Variants in SPNS3 observed in about 807,000 individuals in gnomAD.
The protein encoded by SPNS3 is protein spinster homolog 3.
In SPNS3, 51 loss-of-function variants were observed where a neutral mutation model predicts 54.4. That is an observed-to-expected ratio of 0.94 (90% CI 0.75 to 1.18). SPNS3 has a LOEUF of 1.18. Ranked by LOEUF, SPNS3 falls within the 50% of genes most tolerant of loss-of-function variation. The probability of loss-of-function intolerance (pLI) is 0.00; values close to 1 mark genes in which losing one functional copy is unlikely to be tolerated. For missense variants in SPNS3, 669 were observed against 677.4 expected (o/e 0.99, Z 0.14); for synonymous variants, 309 against 294.7 (o/e 1.05, Z -0.50).
intron 8 of SPNS3, among the ~76,000 whole-genome samples, chr17:4,465,557 G>A (rs573654905): frequency 4.5e-4 from 69 of 152,138 alleles, no homozygotes; most frequent in African/African-American, 1.6e-3. Context: ...GCAAAACCCC[G>A]AGGCTACAAA....
chr17:4,445,907 G>A, intron 3 of SPNS3, 141 bp from the exon 4 acceptor site: 1 of 924,912 alleles, frequency 1.1e-6, no homozygotes, highest in South Asian at 2.1e-5. Context: ...GGAGTGGAGA[G>A]GTGTCTGTAG....
At chr17:4,455,009 G>A (rs187789251) in intron 8 of SPNS3, among the ~76,000 whole-genome samples, 11 of 151,864 alleles carry the variant, frequency 7.2e-5, no homozygotes, top group South Asian at 4.2e-4. Flanking sequence ...CGCCTCCTGG[G>A]TTCAAGCGAT....
chr17:4,437,053 G>C (rs569233218), intron 1 of SPNS3, among the ~76,000 whole-genome samples: 9 of 152,378 alleles, frequency 5.9e-5, no homozygotes, highest in African/African-American at 2.2e-4. Flanking sequence ...GTGCAAGAAA[G>C]GGGGCTGTGG....
Position 4,438,921 on chromosome 17 carries a change from T to C in SPNS3, c.200-737T>C, listed in dbSNP as rs564492682. 4.0e-5 allele frequency among the ~76,000 whole-genome samples: 6 copies of C among 149,714 alleles called. 1 individual carries two copies. The East Asian group carries it at 1.2e-3, about 29-fold the overall frequency. On this transcript the variant is annotated intron_variant, in intron 1 of 11. Transcript: ENST00000355530. ...GTGTATGAGTGAGGCTGGGTGTACA[T>C]GTCTGTGAGAGTGAGTTCCTGTGTG...
intron 8 of SPNS3, among the ~76,000 whole-genome samples, chr17:4,463,729 C>T (rs1420445500): frequency 2.0e-5 from 3 of 148,308 alleles, no homozygotes; most frequent in Admixed American, 6.7e-5. Flanking sequence ...CAGAGTGAGA[C>T]TCCATCTCGA....
At chr17:4,444,990 G>T (rs200749624) in intron 2 of SPNS3, 42 bp from the exon 3 acceptor site, 20 of 1,581,244 alleles carry the variant, frequency 1.3e-5, no homozygotes, top group Middle Eastern at 3.4e-4. Context: ...GCCCTGCCAC[G>T]GTCGTGGGGG....
At chr17:4,479,787 A>G (rs1347912176) in intron 9 of SPNS3, among the ~76,000 whole-genome samples, 1 of 152,194 alleles carries the variant, frequency 6.6e-6, no homozygotes, top group Admixed American at 6.5e-5. Flanking sequence ...GTGTGGCCTT[A>G]GGCAAGTCAC....
Position 4,488,038 on chromosome 17 carries a change from A to T in SPNS3, c.*144A>T. On this transcript the variant is annotated 3_prime_UTR_variant, in exon 12 of 12. Coordinates refer to ENST00000355530, the MANE Select transcript of SPNS3 (RefSeq NM_182538.5). ...AATTCCCGGCTGGAGAGCTGGCAGG[A>T]CCCTGTGGCTGGGCTGGGAATGGAG... 1 of 709,114 alleles carries T rather than the reference A, an allele frequency of 1.4e-6. No homozygotes were observed. Among genetic ancestry groups the T allele is most frequent in the Non-Finnish European group, 2.4e-6 (1 of 417,192 alleles). The allele number at this position is 709,114 out of a possible 1,614,324, so 43.9% of individuals were successfully genotyped here. A position where few individuals can be genotyped will look rare whatever the true frequency, so the allele number is the denominator to read the frequency against.
At chr17:4,481,884 CTCTT>C (rs1972160189) in intron 9 of SPNS3, 4 of 46,072 alleles carry the variant, frequency 8.7e-5, no homozygotes, top group African/African-American at 5.7e-4. Flanking sequence ...CTCTCTCTCT[CTCTT>C]TTTTTTTTTT....
intron 8 of SPNS3, among the ~76,000 whole-genome samples, 197 bp downstream of exon 8, chr17:4,453,402 A>C (rs1971221836): frequency 6.6e-6 from 1 of 152,146 alleles, no homozygotes; most frequent in Admixed American, 6.6e-5. Context: ...TAATCCTAGC[A>C]CTTTGGGAGG....
chr17:4,480,594 A>C (rs1972124915), intron 9 of SPNS3, among the ~76,000 whole-genome samples: 1 of 149,596 alleles, frequency 6.7e-6, no homozygotes, highest in South Asian at 2.2e-4. Flanking sequence ...CAGCGTCTGC[A>C]TTTGTAAGAA....
chr17:4,447,765 G>C (rs1464767422), intron 5 of SPNS3, among the ~76,000 whole-genome samples: 1 of 152,162 alleles, frequency 6.6e-6, no homozygotes, highest in East Asian at 1.9e-4. Flanking sequence ...GGGCAGGACT[G>C]TGTGGCAGAT....
chr17:4,468,185 C>A (rs1038624122), intron 8 of SPNS3, among the ~76,000 whole-genome samples: 2 of 152,132 alleles, frequency 1.3e-5, no homozygotes, highest in Admixed American at 6.5e-5. Flanking sequence ...GCACACCTGT[C>A]ATCCTAGCAC....
At chr17:4,467,290 A>G (rs1971703354) in intron 8 of SPNS3, among the ~76,000 whole-genome samples, 1 of 151,932 alleles carries the variant, frequency 6.6e-6, no homozygotes, top group South Asian at 2.1e-4. Context: ...TAGGGGTTGT[A>G]TCCGGAATCT....
At position 4,446,179 on chromosome 17, in the gene SPNS3, C is replaced by A; in HGVS notation, c.534C>A (p.Tyr178Ter). 3 of 1,611,642 alleles carry A rather than the reference C, an allele frequency of 1.9e-6. No homozygotes were observed. Among genetic ancestry groups the A allele is most frequent in the Non-Finnish European group, 2.5e-6 (3 of 1,178,202 alleles). Reference sequence around the variant, plus strand: ...GCACCCGCGTGCTGGCTGTCTTCTACATCTTTATCCCCGTTGGAAGGTTGG... The same window carrying A: ...GCACCCGCGTGCTGGCTGTCTTCTAAATCTTTATCCCCGTTGGAAGGTTGG... The part of the protein sequence containing the change: ...DQRTRVLAVF[Y>*]IFIPVGSGLG... Residue 178 changes from tyrosine to a stop codon, truncating the protein, a stop_gained, in exon 4 of 12, where the codon TAC becomes TAA. Coordinates refer to ENST00000355530, the MANE Select transcript of SPNS3 (RefSeq NM_182538.5). LOFTEE classifies it high-confidence loss of function.
At position 4,486,200 on chromosome 17, in the gene SPNS3, G is replaced by GC. The variant is rs1972306913; in HGVS notation, c.1180-22dup. 5 of 1,506,288 alleles carry GC rather than the reference G, an allele frequency of 3.3e-6. No homozygotes were observed. The highest frequency in any genetic ancestry group is 2.4e-5 in the East Asian group (1 of 42,420). 93.3% of individuals were successfully genotyped at this position (1,506,288 alleles called of 1,614,324 possible). ...AGGCAAGGGTGCCCTCACTTGGGGT[G>GC]CCCCCCTGCTGTGCCTATGTTTTGC... On this transcript the variant is annotated intron_variant, in intron 9 of 11. Coordinates refer to ENST00000355530, the MANE Select transcript of SPNS3 (RefSeq NM_182538.5). This position sits in a 1 kb window ranked among gnomAD's most constrained non-coding sequence, Gnocchi z 5.5.
intron 2 of SPNS3, among the ~76,000 whole-genome samples, chr17:4,443,049 C>T (rs1016612699): frequency 1.3e-5 from 2 of 151,200 alleles, no homozygotes; most frequent in African/African-American, 4.9e-5. Context: ...AGGATATATA[C>T]ATATTTGTTG....
chr17:4,435,519 T>TG (rs1354822866), intron 1 of SPNS3, among the ~76,000 whole-genome samples: 4 of 74,860 alleles, frequency 5.3e-5, no homozygotes, highest in African/African-American at 2.2e-4. Flanking sequence ...ACAGTGGGGG[T>TG]GGGGCCAGAG....
chr17:4,462,754 A>ATCCATCCACCCACCCACCTACCCACCC (rs1567566655), intron 8 of SPNS3, among the ~76,000 whole-genome samples: 1 of 20,388 alleles, frequency 4.9e-5, no homozygotes, highest in Non-Finnish European at 8.0e-5. Flanking sequence ...TCCATCCACC[A>ATCCATCCACCCACCCACCTACCCACCC]ATCCATCCAT....
Sources: gnomAD v4.1 joint callset for allele counts (sites outside exome capture counted in the v4.1 genomes callset) on GRCh38, gnomAD v4.1.1 for gene constraint, Gnocchi (gnomAD v3.1) non-coding constraint, MANE v1.5 for transcripts, NCBI Gene and HGNC (gene_info 2026-07-23, HGNC 2026-07-21) for gene names.